The following SHISA9 variants were observed in gnomAD, a reference collection of about 807,000 sequenced individuals.
SHISA9 encodes protein shisa-9.
SHISA9 carries 13 observed loss-of-function variants against 38.0 expected under a neutral mutation model. The ratio of observed to expected loss-of-function variants is 0.34; its 90% CI spans 0.22 to 0.54. The LOEUF (loss-of-function observed/expected upper bound fraction) is 0.54. SHISA9 is among the 20% of genes least tolerant of loss of function. SHISA9 has a pLI of 0.91. For synonymous variants in SHISA9, 275 were observed against 242.0 expected (o/e 1.14, Z -1.27); for missense variants, 538 against 575.8 (o/e 0.93, Z 0.67).
chr16:13,212,867 C>T (rs2142065101), intron 3 of SHISA9, among the ~76,000 whole-genome samples: 1 of 152,326 alleles, frequency 6.6e-6, no homozygotes, highest in African/African-American at 2.4e-5. Context: ...CTCTTGTCAT[C>T]AGAGTGTAGT....
chr16:12,970,678 TTTG>T (rs573150081), intron 2 of SHISA9, among the ~76,000 whole-genome samples: 4 of 148,278 alleles, frequency 2.7e-5, no homozygotes, highest in South Asian at 2.2e-4. Context: ...ACCGGCTATT[TTTG>T]TTGTTGTTGT....
chr16:13,264,060 C>A, the SHISA9 span, among the ~76,000 whole-genome samples: 1 of 152,112 alleles, frequency 6.6e-6, no homozygotes, highest in African/African-American at 2.4e-5. Context: ...ACTCTGGGCT[C>A]ATACCTCCTT....
chr16:13,197,793 G>A (rs2050962233), intron 2 of SHISA9: 1 of 152,170 alleles, frequency 6.6e-6, no homozygotes, highest in African/African-American at 2.4e-5. Flanking sequence ...CACAGAGGTG[G>A]GTAAGATATC....
chr16:13,180,607 A>C (rs879728598), intron 2 of SHISA9, among the ~76,000 whole-genome samples: 1 of 152,178 alleles, frequency 6.6e-6, no homozygotes, highest in African/African-American at 2.4e-5. Flanking sequence ...CTGAGGTGGG[A>C]GGATTGCTTG....
At chr16:13,361,981 C>T in the SHISA9 span, among the ~76,000 whole-genome samples, 1 of 152,090 alleles carries the variant, frequency 6.6e-6, no homozygotes, top group East Asian at 1.9e-4. Context: ...GAGTCAAACC[C>T]CGTTGCCATC....
At chr16:13,374,477 C>T in the SHISA9 span, among the ~76,000 whole-genome samples, 2 of 152,104 alleles carry the variant, frequency 1.3e-5, no homozygotes, top group Admixed American at 6.6e-5. Context: ...CATCCATGTC[C>T]CTACAAAGGA....
chr16:12,920,698 C>T (rs1203369909), intron 2 of SHISA9, among the ~76,000 whole-genome samples: 1 of 152,172 alleles, frequency 6.6e-6, no homozygotes, highest in Non-Finnish European at 1.5e-5. Flanking sequence ...ATACTCCTCA[C>T]CCACTCTCCC....
chr16:13,505,855 G>A, the SHISA9 span, among the ~76,000 whole-genome samples: 3 of 152,188 alleles, frequency 2.0e-5, no homozygotes, highest in Admixed American at 1.3e-4. Flanking sequence ...CCATGTCTTT[G>A]GGCAGGGAGG....
At chr16:13,139,672 A>T (rs1298839168) in intron 2 of SHISA9, among the ~76,000 whole-genome samples, 1 of 152,038 alleles carries the variant, frequency 6.6e-6, no homozygotes, top group Non-Finnish European at 1.5e-5. Context: ...AATTCTTCAG[A>T]ATTCCAGATT....
At chr16:13,053,023 G>A (rs1480670024) in intron 2 of SHISA9, among the ~76,000 whole-genome samples, 2 of 144,810 alleles carry the variant, frequency 1.4e-5, no homozygotes, top group Admixed American at 6.9e-5. Flanking sequence ...GAGTGCAGTG[G>A]CATGCTTTTG....
intron 2 of SHISA9, among the ~76,000 whole-genome samples, chr16:13,149,966 A>C (rs1463540695): frequency 6.7e-6 from 1 of 149,474 alleles, no homozygotes; most frequent in African/African-American, 2.5e-5. Context: ...GATAATCATG[A>C]AAAGAGCTTA....
intron 2 of SHISA9, among the ~76,000 whole-genome samples, chr16:12,932,188 G>C (rs2071470549): frequency 6.6e-6 from 1 of 152,128 alleles, no homozygotes; most frequent in African/African-American, 2.4e-5. Flanking sequence ...AAATTACCCA[G>C]TCTCAGGTAT....
intron 2 of SHISA9, among the ~76,000 whole-genome samples, chr16:12,998,858 C>A (rs972415941): frequency 1.3e-5 from 2 of 152,232 alleles, no homozygotes; most frequent in Admixed American, 1.3e-4. Context: ...TACAGTTGAT[C>A]CTCATTATTC....
At chr16:13,478,519 TC>T in the SHISA9 span, among the ~76,000 whole-genome samples, 1 of 152,180 alleles carries the variant, frequency 6.6e-6, no homozygotes, top group African/African-American at 2.4e-5. Context: ...ACACTGGACT[TC>T]CTTGTGCATC....
At chr16:13,199,903 G>A (rs945234065) in intron 2 of SHISA9, among the ~76,000 whole-genome samples, 1 of 152,160 alleles carries the variant, frequency 6.6e-6, no homozygotes, top group Non-Finnish European at 1.5e-5. Context: ...TCAACTGCCA[G>A]CTCTTACATC....
At position 12,901,936 on chromosome 16, in the gene SHISA9, C is replaced by T. The variant is rs2071021029; in HGVS notation, c.-129C>T. 2 of 641,188 alleles carry T rather than the reference C, an allele frequency of 3.1e-6. No homozygotes were observed. The highest frequency in any genetic ancestry group is 4.4e-6 in the Non-Finnish European group (2 of 458,342). The allele number at this position is 641,188 out of a possible 1,614,324, so 39.7% of individuals were successfully genotyped here. On this transcript the variant is annotated 5_prime_UTR_variant, in exon 1 of 5. Transcript: ENST00000558583. The stretch of plus-strand genomic sequence containing the variant: ...CGACCACCGAGCGCCCCGCGCCGCT[C>T]CCTGCATGTGCGGCCCGCGGCGGCT...
chr16:13,419,858 T>C, the SHISA9 span, among the ~76,000 whole-genome samples: 8 of 152,328 alleles, frequency 5.3e-5, no homozygotes, highest in Non-Finnish European at 1.2e-4. Context: ...CCATATAGCT[T>C]GCTGACCTCC....
intron 2 of SHISA9, among the ~76,000 whole-genome samples, chr16:12,981,608 G>A (rs1449596677): frequency 1.3e-5 from 2 of 152,192 alleles, no homozygotes; most frequent in African/African-American, 4.8e-5. Flanking sequence ...CATGATCAGA[G>A]AACTGGCCAT....
At chr16:13,255,023 CT>C in the SHISA9 span, among the ~76,000 whole-genome samples, 1 of 152,276 alleles carries the variant, frequency 6.6e-6, no homozygotes, top group South Asian at 2.1e-4. Context: ...ATATCATCCT[CT>C]TTTTCTTCTT....
Sources: gnomAD v4.1 joint callset for allele counts (sites outside exome capture counted in the v4.1 genomes callset) on GRCh38, gnomAD v4.1.1 for gene constraint, MANE v1.5 for transcripts, NCBI Gene and HGNC (gene_info 2026-07-23, HGNC 2026-07-21) for gene names.